PARD3B: variants seen among roughly 807,000 people sequenced by gnomAD.
PARD3B encodes the protein par-3 family cell polarity regulator beta.
PARD3B carries 103 observed loss-of-function variants against 130.2 expected under a neutral mutation model. The ratio of observed to expected loss-of-function variants is 0.79; its 90% CI spans 0.67 to 0.93. The LOEUF (loss-of-function observed/expected upper bound fraction) is 0.93. PARD3B is among the 40% of genes least tolerant of loss of function. The pLI is 0.00. For missense variants in PARD3B, 1,609 were observed against 1,499.2 expected, an observed-to-expected ratio of 1.07 and a Z score of -1.21; for synonymous variants, 583 against 553.2, an observed-to-expected ratio of 1.05 and a Z score of -0.76.
At chr2:204,727,685 G>A (rs535442423) in intron 2 of PARD3B, among the ~76,000 whole-genome samples, 6 of 152,282 alleles carry the variant, frequency 3.9e-5, no homozygotes, top group South Asian at 2.1e-4. Context: ...CTGAATACAC[G>A]TATTTAATAA....
chr2:204,744,796 A>G (rs570210880), intron 2 of PARD3B, among the ~76,000 whole-genome samples: 27 of 152,254 alleles, frequency 1.8e-4, no homozygotes, highest in African/African-American at 6.5e-4. Flanking sequence ...GAATAGAACC[A>G]TGAGGAAATT....
At chr2:205,262,753 C>T (rs557285738) in intron 16 of PARD3B, among the ~76,000 whole-genome samples, 3 of 152,228 alleles carry the variant, frequency 2.0e-5, no homozygotes, top group Middle Eastern at 3.4e-3. Flanking sequence ...AAGTCCTGAC[C>T]TCTGTTTTTG....
chr2:205,526,084 A>G (rs190293141), intron 21 of PARD3B, among the ~76,000 whole-genome samples: 2 of 152,280 alleles, frequency 1.3e-5, no homozygotes, highest in East Asian at 3.9e-4. Flanking sequence ...TCCCTAAACT[A>G]CATTGCTCAT....
intron 6 of PARD3B, 105 bp from the exon 7 acceptor site, chr2:205,118,816 C>A: frequency 2.2e-6 from 2 of 891,682 alleles, no homozygotes; most frequent in South Asian, 2.9e-5. Context: ...AGTAAAATTT[C>A]TTTTGTAAAT....
At chr2:205,114,747 C>T (rs1703904489) in intron 6 of PARD3B, among the ~76,000 whole-genome samples, 1 of 79,444 alleles carries the variant, frequency 1.3e-5, no homozygotes, top group Non-Finnish European at 2.4e-5. Flanking sequence ...ATTGCGAAGT[C>T]ATCACCTTTT....
At chr2:205,035,804 T>C (rs1697785554) in intron 3 of PARD3B, among the ~76,000 whole-genome samples, 2 of 5,954 alleles carry the variant, frequency 3.4e-4, no homozygotes, top group Non-Finnish European at 9.7e-4. Flanking sequence ...ATCTCATATA[T>C]ATATATATAT....
At chr2:204,880,774 CT>C (rs1338455757) in intron 2 of PARD3B, among the ~76,000 whole-genome samples, 1 of 151,514 alleles carries the variant, frequency 6.6e-6, no homozygotes, top group Non-Finnish European at 1.5e-5. Flanking sequence ...GACAGGATAT[CT>C]GGTCTAACTA....
At chr2:204,929,343 G>A (rs1687857929) in intron 2 of PARD3B, among the ~76,000 whole-genome samples, 3 of 152,028 alleles carry the variant, frequency 2.0e-5, no homozygotes, top group Admixed American at 1.3e-4. Flanking sequence ...TAATCTAAAC[G>A]TCAAACCCGC....
chr2:204,952,109 A>C (rs1163312300), intron 2 of PARD3B, among the ~76,000 whole-genome samples: 2 of 152,222 alleles, frequency 1.3e-5, no homozygotes, highest in Non-Finnish European at 2.9e-5. Context: ...AAGTTTTTAA[A>C]ATGAGTTTTG....
intron 18 of PARD3B, among the ~76,000 whole-genome samples, chr2:205,338,671 T>A (rs2043406485): frequency 6.6e-6 from 1 of 152,208 alleles, no homozygotes; most frequent in African/African-American, 2.4e-5. Context: ...TGTATAATAA[T>A]AAAATATTTT....
intron 19 of PARD3B, among the ~76,000 whole-genome samples, chr2:205,408,298 A>G (rs2106040962): frequency 6.6e-6 from 1 of 152,322 alleles, no homozygotes; most frequent in Non-Finnish European, 1.5e-5. Flanking sequence ...AACGAAATGC[A>G]TCTTAGAGAT....
intron 15 of PARD3B, among the ~76,000 whole-genome samples, chr2:205,227,057 G>GTTT (rs201634658): frequency 2.7e-5 from 4 of 147,782 alleles, no homozygotes; most frequent in African/African-American, 9.9e-5. Context: ...TAATTTCAGG[G>GTTT]TTTTTTTTTT....
rs144973427 is a variant in PARD3B, at chr2:204,632,708, C to A, written c.121-53473C>A. 2.6e-4 allele frequency among the ~76,000 whole-genome samples: 39 copies of A among 152,316 alleles called. 1 individual carries two copies. In the East Asian group the frequency reaches 7.5e-3, roughly 29 times the overall value. On this transcript the variant is annotated intron_variant, in intron 1 of 22. Transcript: ENST00000406610. The stretch of plus-strand genomic sequence containing the variant: ...GGTTGCAGAGATCCATGGGAGAAGC[C>A]TGGCTTCCCAGGGTTGCACATTCAC...
chr2:205,540,765 A>C lies in PARD3B; in HGVS notation c.3181-12559A>C, dbSNP rs564227149. On this transcript the variant is annotated intron_variant, in intron 21 of 22. Coordinates refer to ENST00000406610, the MANE Select transcript of PARD3B (RefSeq NM_001302769.2). ...GAATGACATTAATTATGCGAAAAGC[A>C]GTCATATCTGGCAGTTGGCAAGCAT... 4.6e-5 allele frequency among the ~76,000 whole-genome samples: 7 copies of C among 152,360 alleles called. No homozygotes were observed. The South Asian group carries it at 1.4e-3, about 32-fold the overall frequency.
intron 2 of PARD3B, among the ~76,000 whole-genome samples, chr2:204,747,226 A>G (rs1445568806): frequency 6.6e-6 from 1 of 152,136 alleles, no homozygotes; most frequent in African/African-American, 2.4e-5. Context: ...ACCATTTATT[A>G]AATAGGGAAT....
At chr2:205,307,796 A>AT (rs140341796) in intron 18 of PARD3B, among the ~76,000 whole-genome samples, 7 of 152,066 alleles carry the variant, frequency 4.6e-5, no homozygotes, top group African/African-American at 7.2e-5. Context: ...GTTCAAATCC[A>AT]TTTTTTTTAT....
At chr2:205,208,820 A>C (rs1458206456) in intron 15 of PARD3B, among the ~76,000 whole-genome samples, 1 of 144,496 alleles carries the variant, frequency 6.9e-6, no homozygotes, top group African/African-American at 2.7e-5. Flanking sequence ...ATTCAATGCC[A>C]TCCCCATCAA....
At chr2:204,625,815 T>G (rs1487894634) in intron 1 of PARD3B, among the ~76,000 whole-genome samples, 1 of 152,204 alleles carries the variant, frequency 6.6e-6, no homozygotes, top group African/African-American at 2.4e-5. Context: ...AATTCCTTCC[T>G]TTTTGGAAGA....
intron 2 of PARD3B, among the ~76,000 whole-genome samples, chr2:204,720,969 T>TA (rs1306233844): frequency 6.6e-6 from 1 of 151,366 alleles, no homozygotes; most frequent in Admixed American, 6.6e-5. Context: ...ATAAGGAACA[T>TA]AAAAAAAAGA....
Sources: gnomAD v4.1 joint callset for allele counts (sites outside exome capture counted in the v4.1 genomes callset) on GRCh38, gnomAD v4.1.1 for gene constraint, MANE v1.5 for transcripts, NCBI Gene and HGNC (gene_info 2026-07-23, HGNC 2026-07-21) for gene names.